The following TBC1D9 variants were observed in gnomAD, a reference collection of about 807,000 sequenced individuals.
TBC1D9 encodes the protein TBC1 domain family member 9A.
In TBC1D9, 63 loss-of-function variants were observed where a neutral mutation model predicts 132.0. The observed-to-expected ratio is 0.48, with a 90% CI of 0.39 to 0.59. The LOEUF is 0.59. Ranked by LOEUF, TBC1D9 falls within the 20% of genes least tolerant of loss-of-function variation. TBC1D9 has a pLI of 0.00. For synonymous variants in TBC1D9, 610 were observed against 609.9 expected (o/e 1.00, Z 0.00); for missense variants, 1,261 against 1,592.7 (o/e 0.79, Z 3.54).
At chr4:140,708,447 A>C (rs1738180357) in intron 1 of TBC1D9, among the ~76,000 whole-genome samples, 1 of 152,200 alleles carries the variant, frequency 6.6e-6, no homozygotes. Flanking sequence ...ATTCAGGGAA[A>C]AGACAAGTCT....
chr4:140,697,106 G>T (rs1737971851), intron 2 of TBC1D9, among the ~76,000 whole-genome samples: 1 of 152,286 alleles, frequency 6.6e-6, no homozygotes, highest in African/African-American at 2.4e-5. Flanking sequence ...GCCTGGTGTG[G>T]TGGCTCACAC....
chr4:140,638,027 A>G (rs985857413), intron 15 of TBC1D9, among the ~76,000 whole-genome samples: 1 of 152,218 alleles, frequency 6.6e-6, no homozygotes, highest in Non-Finnish European at 1.5e-5. Flanking sequence ...TAAATAAAAC[A>G]GTGGTGCCCT....
chr4:140,674,994 C>T (rs7699818), intron 6 of TBC1D9, among the ~76,000 whole-genome samples: 69,463 of 151,866 alleles, frequency 0.46, 16,073 homozygotes, highest in South Asian at 0.55. Flanking sequence ...CAGGTGTGAG[C>T]CATCACATCT....
At chr4:140,719,119 TAAATAA>T (rs1295028071) in intron 1 of TBC1D9, among the ~76,000 whole-genome samples, 1 of 56,422 alleles carries the variant, frequency 1.8e-5, no homozygotes, top group African/African-American at 5.2e-5. Context: ...CATCTCAAAA[TAAATAA>T]ATAAATAAAT....
At chr4:140,634,853 G>A (rs1002936310) in intron 15 of TBC1D9, among the ~76,000 whole-genome samples, 18 of 152,130 alleles carry the variant, frequency 1.2e-4, no homozygotes, top group African/African-American at 3.6e-4. Context: ...AATTATCAGC[G>A]TAGGAACCAC....
rs1420909020 is a variant in TBC1D9 at position 140,737,820 on chromosome 4, G to A, written c.130+18096C>T. Among the ~76,000 whole-genome samples, 4 of 152,078 alleles carry A rather than the reference G, an allele frequency of 2.6e-5. No homozygotes were observed. In the East Asian group the frequency reaches 5.8e-4, roughly 22 times the overall value. The stretch of plus-strand genomic sequence containing the variant: ...GAGGAATGTTAGACATTAGGATATC[G>A]GCTCTTAATTCTTTGATTCACAATC... On this transcript the variant is annotated intron_variant, in intron 1 of 20. Transcript: ENST00000442267.
In TBC1D9 at chr4:140,662,052, C is replaced by A. The variant is rs1737369796; in HGVS notation, c.1644G>T (p.Lys548Asn). The A allele has an allele frequency of 6.2e-7, 1 of 1,613,996 alleles. No homozygotes were observed. The highest frequency in any genetic ancestry group is 8.5e-7 in the Non-Finnish European group (1 of 1,179,886). ...HPGYYEDLVE[K>N]SMGKYNLATE... The stretch of plus-strand genomic sequence containing the variant: ...TGGCGAGATTATACTTCCCCATGGA[C>A]TTCTCCACTAGGTCTTCATAGTACC... The change falls in exon 10 of 21, where the codon AAG (lysine) becomes AAT (asparagine). Residue 548 changes from lysine (K) to asparagine (N), a missense_variant. Coordinates refer to ENST00000442267, the MANE Select transcript of TBC1D9 (RefSeq NM_015130.3).
At chr4:140,660,915 T>C (rs1033421871) in intron 10 of TBC1D9, among the ~76,000 whole-genome samples, 9 of 113,076 alleles carry the variant, frequency 8.0e-5, no homozygotes, top group Admixed American at 2.7e-4. Flanking sequence ...CTTTGATTCT[T>C]TCTTTTTTTT....
chr4:140,637,243 G>A (rs1053256465), intron 15 of TBC1D9, among the ~76,000 whole-genome samples: 7 of 152,082 alleles, frequency 4.6e-5, no homozygotes, highest in East Asian at 1.9e-4. Context: ...CCAGCTACTC[G>A]GGAGCCTGAG....
intron 13 of TBC1D9, chr4:140,643,095 G>T: frequency 7.3e-7 from 1 of 1,376,108 alleles, no homozygotes; most frequent in Non-Finnish European, 1.0e-6. Context: ...TTCAGCTCCC[G>T]TGGGAGCCGC....
chr4:140,711,469 C>T (rs992870563), intron 1 of TBC1D9, among the ~76,000 whole-genome samples: 18 of 152,150 alleles, frequency 1.2e-4, no homozygotes, highest in African/African-American at 4.1e-4. Flanking sequence ...CTCAGGAAGG[C>T]CACATTTGCA....
chr4:140,694,774 A>G (rs930015384), intron 2 of TBC1D9, among the ~76,000 whole-genome samples: 2 of 125,364 alleles, frequency 1.6e-5, no homozygotes, highest in African/African-American at 7.6e-5. Context: ...TATATAAAGT[A>G]TATTGGAGAT....
intron 13 of TBC1D9, among the ~76,000 whole-genome samples, chr4:140,646,409 A>G (rs1477736085): frequency 2.0e-5 from 3 of 152,216 alleles, no homozygotes; most frequent in Admixed American, 1.3e-4. Context: ...TTCAATGAAT[A>G]AAAGCATAGG....
intron 2 of TBC1D9, among the ~76,000 whole-genome samples, chr4:140,691,235 T>A (rs1737874686): frequency 6.6e-6 from 1 of 152,036 alleles, no homozygotes; most frequent in Non-Finnish European, 1.5e-5. Flanking sequence ...GAAAAAAGGG[T>A]CCAAGTTACC....
At chr4:140,696,904 T>G (rs2111035362) in intron 2 of TBC1D9, among the ~76,000 whole-genome samples, 1 of 152,350 alleles carries the variant, frequency 6.6e-6, no homozygotes, top group South Asian at 2.1e-4. Context: ...ATTAGAAGTT[T>G]TTAATATATT....
intron 2 of TBC1D9, among the ~76,000 whole-genome samples, chr4:140,699,006 G>A (rs1007610985): frequency 6.6e-6 from 1 of 152,138 alleles, no homozygotes; most frequent in Non-Finnish European, 1.5e-5. Context: ...CTCAAGAGCA[G>A]AGACCAAATA....
chr4:140,670,876 T>G lies in TBC1D9; in HGVS notation c.1110A>C (p.Leu370Phe). 1 of 1,613,982 alleles carries G rather than the reference T, an allele frequency of 6.2e-7. No homozygotes were observed. The highest frequency in any genetic ancestry group is 8.5e-7 in the Non-Finnish European group (1 of 1,179,880). Reference sequence around the variant, plus strand: ...TCATCCTGTTTCGGGTGCTGATGGATAAGGGACTGGGGAGCACACTGGAGC... The same window carrying G: ...TCATCCTGTTTCGGGTGCTGATGGAGAAGGGACTGGGGAGCACACTGGAGC... ...ADSSSVLPSPLSISTRNRMTF... is the reference protein window; with the variant it reads ...ADSSSVLPSPFSISTRNRMTF... Residue 370 changes from leucine (L) to phenylalanine (F), a missense_variant, in exon 7 of 21, where the codon TTA (leucine) becomes TTC (phenylalanine). By Grantham distance (22) the Leu-to-Phe change is conservative. Around this residue, in one of 3 missense-constraint regions of TBC1D9, gnomAD observed 550 missense variants for 699.0 expected, o/e 0.79. Coordinates refer to ENST00000442267, the MANE Select transcript of TBC1D9 (RefSeq NM_015130.3).
At chr4:140,677,144 A>C in intron 5 of TBC1D9, 43 bp from the exon 6 acceptor site, 2 of 1,604,356 alleles carry the variant, frequency 1.2e-6, no homozygotes, top group Non-Finnish European at 1.7e-6. Context: ...AAATGTTTCC[A>C]TACCTTCTAA....
intron 1 of TBC1D9, among the ~76,000 whole-genome samples, chr4:140,750,740 T>C (rs1447321065): frequency 2.0e-5 from 3 of 152,172 alleles, no homozygotes; most frequent in Non-Finnish European, 2.9e-5. Flanking sequence ...CTCAATGTAA[T>C]GTCAATCAAA....
Sources: allele counts gnomAD v4.1 joint callset (sites outside exome capture counted in the v4.1 genomes callset), GRCh38; gene constraint gnomAD v4.1.1; regional missense constraint gnomAD v4.1.1; transcripts MANE v1.5; gene names NCBI Gene and HGNC (gene_info 2026-07-23, HGNC 2026-07-21).